Variants in CERCAM observed in about 807,000 individuals in gnomAD.
The protein encoded by CERCAM is cerebral endothelial cell adhesion molecule.
CERCAM carries 59 observed loss-of-function variants against 66.0 expected under a neutral mutation model. The observed-to-expected ratio is 0.89, with a 90% CI of 0.73 to 1.11. The LOEUF is 1.11. Ranked by LOEUF, CERCAM falls within the 50% of genes most tolerant of loss-of-function variation. The probability of loss-of-function intolerance (pLI) is 0.00; values close to 1 mark genes in which losing one functional copy is unlikely to be tolerated. For synonymous variants in CERCAM, 318 were observed against 343.6 expected, an observed-to-expected ratio of 0.93 and a Z score of 0.83; for missense variants, 840 against 828.3, an observed-to-expected ratio of 1.01 and a Z score of -0.17.
At chr9:128,423,930 G>T (rs1833774089) in intron 3 of CERCAM, 2 of 585,950 alleles carry the variant, frequency 3.4e-6, no homozygotes, top group African/African-American at 1.9e-5. Flanking sequence ...AGTAACTCAG[G>T]TATAATCTCT....
chr9:128,436,056 T>G (rs1159849625), intron 12 of CERCAM, 151 bp downstream of exon 12: 4 of 1,017,626 alleles, frequency 3.9e-6, no homozygotes, highest in Non-Finnish European at 4.2e-6. Flanking sequence ...GTTGTTGTTG[T>G]TGTTTGTTTG....
chr9:128,430,226 A>C (rs2131338107), intron 8 of CERCAM, among the ~76,000 whole-genome samples: 1 of 152,028 alleles, frequency 6.6e-6, no homozygotes, highest in Non-Finnish European at 1.5e-5. Context: ...ACATGGTGAA[A>C]CCCCCTCTCT....
chr9:128,430,741 C>T lies in CERCAM; in HGVS notation c.1071-430C>T, dbSNP rs991470391. ...TCTCAGAACTCCCGAGGTGGCTGGG[C>T]GTGGTGGCTCATGCCTGTAATCCCA... On this transcript the variant is annotated intron_variant, in intron 8 of 12. Coordinates refer to ENST00000372838, the MANE Select transcript of CERCAM (RefSeq NM_016174.5). 8 of 157,510 alleles carry T rather than the reference C, an allele frequency of 5.1e-5. No homozygotes were observed. In the East Asian group the frequency reaches 1.2e-3, roughly 23 times the overall value. 9.8% of individuals were successfully genotyped at this position (157,510 alleles called of 1,614,324 possible).
rs199936098 is a variant in CERCAM, at chr9:128,422,935, G to A, written c.265G>A (p.Asp89Asn). The A allele has an allele frequency of 1.4e-4, 219 of 1,613,848 alleles. No individual in the cohort carries two copies. The highest frequency in any genetic ancestry group is 5.0e-4 in the Middle Eastern group (3 of 6,058). The stretch of plus-strand genomic sequence containing the variant: ...GCAGGAGTGGCTGGCGGCTGTGGGC[G>A]ATGACTATGCTGCTGTGGTCTGGAG... ...MLQEWLAAVG[D>N]DYAAVVWRPE... The change falls in exon 2 of 13, where the codon GAT (aspartate) becomes AAT (asparagine). Residue 89 changes from aspartate (D) to asparagine (N), a missense_variant. Transcript: ENST00000372838.
intron 9 of CERCAM, among the ~76,000 whole-genome samples, chr9:128,433,234 G>T (rs1324879151): frequency 6.9e-6 from 1 of 145,188 alleles, no homozygotes. Flanking sequence ...AGCCGAGATT[G>T]TGCCACTGCA....
intron 1 of CERCAM, chr9:128,421,430 AAG>A: frequency 9.6e-7 from 1 of 1,037,124 alleles, no homozygotes; most frequent in Non-Finnish European, 1.2e-6. Context: ...GCTGGATTTG[AAG>A]AGGAGCAGAC....
intron 5 of CERCAM, 96 bp from the exon 6 acceptor site, chr9:128,428,206 A>T (rs2131335059): frequency 7.0e-7 from 1 of 1,422,770 alleles, no homozygotes; most frequent in Admixed American, 2.3e-5. Context: ...GAAGACTGAC[A>T]TGTTGGGTCA....
Position 128,420,894 on chromosome 9 carries a change from C to T in CERCAM, c.17C>T (p.Ala6Val). MRAAR[A>V]APLLQLLLLL... ...GCGCCCGCCATGCGCGCTGCCCGCG[C>T]CGCGCCGCTGCTCCAGCTGCTGCTC... Residue 6 changes from alanine (A) to valine (V), a missense_variant, in exon 1 of 13, where the codon GCC (alanine) becomes GTC (valine). Coordinates refer to ENST00000372838, the MANE Select transcript of CERCAM (RefSeq NM_016174.5). This position sits in a 1 kb window ranked among gnomAD's most constrained non-coding sequence, Gnocchi z 5.0. The T allele has an allele frequency of 2.3e-6, 3 of 1,318,798 alleles. No individual in the cohort carries two copies. Among genetic ancestry groups the T allele is most frequent in the South Asian group, 2.1e-5 (1 of 47,080 alleles). 81.7% of individuals were successfully genotyped at this position (1,318,798 alleles called of 1,614,324 possible).
chr9:128,435,854 G>A lies in CERCAM; in HGVS notation c.1737G>A (p.Leu579=). 3 of 1,609,830 alleles carry A rather than the reference G, an allele frequency of 1.9e-6. No homozygotes were observed. The highest frequency in any genetic ancestry group is 1.1e-5 in the South Asian group (1 of 90,586). ...QKTLRSPRLD[L]TGSSGHSLQP... Reference sequence around the variant, plus strand: ...CCCTGCGCAGCCCCCGCCTGGACCTGACTGGCAGCAGCGGGCACAGCCTCC... The same window carrying A: ...CCCTGCGCAGCCCCCGCCTGGACCTAACTGGCAGCAGCGGGCACAGCCTCC... Residue 579 remains leucine (L), a synonymous_variant, in exon 12 of 13, where the codon CTG becomes CTA. Coordinates refer to ENST00000372838, the MANE Select transcript of CERCAM (RefSeq NM_016174.5).
chr9:128,430,869 AC>A (rs1485876900), intron 8 of CERCAM: 148 of 218,034 alleles, frequency 6.8e-4, no homozygotes, highest in African/African-American at 2.5e-3. Context: ...AAAAAAAAAA[AC>A]ATTAGCTGGG....
chr9:128,429,057 G>T (rs1302895535), intron 8 of CERCAM, 21 bp downstream of exon 8: 1 of 1,557,530 alleles, frequency 6.4e-7, no homozygotes, highest in Non-Finnish European at 8.7e-7. Context: ...CTGGTGGGGG[G>T]GGCCCTGTGC....
In CERCAM at chr9:128,434,126, G is replaced by T; in HGVS notation, c.1228G>T (p.Val410Phe). Residue 410 changes from valine (V) to phenylalanine (F), a missense_variant, in exon 10 of 13, where the codon GTC becomes TTC. Physicochemically the swap from Val to Phe is conservative, Grantham distance 50. Coordinates refer to ENST00000372838, the MANE Select transcript of CERCAM (RefSeq NM_016174.5). The surrounding 1 kb of genome is among the most constrained non-coding windows in gnomAD (Gnocchi z 4.5). ...EEVVARGLARVLVFEDDVRFE... is the reference protein window; with the variant it reads ...EEVVARGLARFLVFEDDVRFE... ...GGTGGTTGCCAGGGGCCTGGCCCGG[G>T]TCCTGGTGTTTGAGGATGACGTGCG... 6.2e-7 allele frequency: 1 copy of T among 1,614,166 alleles called. No homozygotes were observed. Among genetic ancestry groups the T allele is most frequent in the Non-Finnish European group, 8.5e-7 (1 of 1,180,024 alleles).
chr9:128,434,593 C>G lies in CERCAM; in HGVS notation c.1515C>G (p.Ile505Met). 1 of 1,608,324 alleles carries G rather than the reference C, an allele frequency of 6.2e-7. No individual in the cohort carries two copies. Among genetic ancestry groups the G allele is most frequent in the Non-Finnish European group, 8.5e-7 (1 of 1,179,756 alleles). Residue 505 changes from isoleucine to methionine, a missense_variant, in exon 11 of 13, where the codon ATC (isoleucine) becomes ATG (methionine). Transcript: ENST00000372838. This position sits in a 1 kb window ranked among gnomAD's most constrained non-coding sequence, Gnocchi z 4.5. ...TGCCCGTGGACGAGTTCCTGCCCAT[C>G]ATGTTCGACCAGCACCCCAAGTGAG... ...RMLPVDEFLP[I>M]MFDQHPNEQY...
In CERCAM at chr9:128,424,421, C is replaced by T; in HGVS notation, c.573C>T (p.Arg191=). 1.2e-6 allele frequency: 2 copies of T among 1,614,086 alleles called. No homozygotes were observed. The highest frequency in any genetic ancestry group is 4.5e-5 in the East Asian group (2 of 44,882). Residue 191 remains arginine, a synonymous_variant, in exon 5 of 13, where the codon CGC becomes CGT. Coordinates refer to ENST00000372838, the MANE Select transcript of CERCAM (RefSeq NM_016174.5). The stretch of plus-strand genomic sequence containing the variant: ...TCCCTTTTCCCCAGGGCTACTACCG[C>T]CGCACAGCCGAGTACTTCCCCACCA... ...WCGITPQGYY[R]RTAEYFPTKN... is the part of the protein sequence containing the mutation.
At chr9:128,423,311 G>A (rs201636789) in intron 3 of CERCAM, 48 bp downstream of exon 3, 32 of 1,477,544 alleles carry the variant, frequency 2.2e-5, no homozygotes, top group Middle Eastern at 3.5e-4. Context: ...GGTAGTATCC[G>A]TCCCTGATAG....
chr9:128,436,328 C>G (rs1834113282), intron 12 of CERCAM, among the ~76,000 whole-genome samples: 1 of 152,170 alleles, frequency 6.6e-6, no homozygotes, highest in Non-Finnish European at 1.5e-5. Context: ...GCAACCTCTG[C>G]CTCCCGCGTC....
intron 9 of CERCAM, among the ~76,000 whole-genome samples, chr9:128,433,145 T>C (rs571126971): frequency 1.4e-4 from 21 of 151,830 alleles, no homozygotes; most frequent in African/African-American, 4.8e-4. Context: ...CCAGGCGTGG[T>C]GGCGGCGCCT....
chr9:128,435,664 A>C lies in CERCAM; in HGVS notation c.1547A>C (p.Lys516Thr). 6.2e-7 allele frequency: 1 copy of C among 1,612,116 alleles called. No individual in the cohort carries two copies. Among genetic ancestry groups the C allele is most frequent in the Non-Finnish European group, 8.5e-7 (1 of 1,179,100 alleles). The change falls in exon 12 of 13, where the codon AAG becomes ACG. Residue 516 changes from lysine to threonine, a missense_variant. Physicochemically the swap from Lys to Thr is moderately conservative, Grantham distance 78. Transcript: ENST00000372838. Reference protein sequence around the residue: ...MFDQHPNEQYKAHFWPRDLVA... With the variant: ...MFDQHPNEQYTAHFWPRDLVA... ...CTCTCACCTTACAGCGAGCAGTACAAGGCACACTTCTGGCCACGGGACCTG... is the reference window on the plus strand; with the variant it reads ...CTCTCACCTTACAGCGAGCAGTACACGGCACACTTCTGGCCACGGGACCTG...
chr9:128,425,343 C>G (rs1049081701), intron 5 of CERCAM, among the ~76,000 whole-genome samples: 1 of 152,036 alleles, frequency 6.6e-6, no homozygotes, highest in African/African-American at 2.4e-5. Context: ...GCGTGAGCCA[C>G]CGCGCCCAGC....
Sources: allele counts gnomAD v4.1 joint callset (sites outside exome capture counted in the v4.1 genomes callset), GRCh38; gene constraint gnomAD v4.1.1; non-coding constraint Gnocchi (gnomAD v3.1); transcripts MANE v1.5; gene names NCBI Gene and HGNC (gene_info 2026-07-23, HGNC 2026-07-21).